Variants in ABCB1 observed in about 807,000 individuals in gnomAD.
ABCB1 encodes the protein ATP-dependent translocase ABCB1.
ABCB1 carries 69 observed loss-of-function variants against 142.0 expected under a neutral mutation model. That is an observed-to-expected ratio of 0.49 (90% CI 0.40 to 0.59). ABCB1 has a LOEUF of 0.59. Ranked by LOEUF, ABCB1 falls within the 20% of genes least tolerant of loss-of-function variation. ABCB1 has a pLI of 0.00. For missense variants in ABCB1, 1,326 were observed against 1,554.7 expected, an observed-to-expected ratio of 0.85 and a Z score of 2.47; for synonymous variants, 532 against 539.2, an observed-to-expected ratio of 0.99 and a Z score of 0.18.
At chr7:87,648,568 G>A (rs1478966843) in intron 1 of ABCB1, among the ~76,000 whole-genome samples, 1 of 151,810 alleles carries the variant, frequency 6.6e-6, no homozygotes, top group Non-Finnish European at 1.5e-5. Flanking sequence ...ATCTTAAGTT[G>A]TATAAATGAG....
chr7:87,676,484 T>A (rs1826368373), intron 1 of ABCB1, among the ~76,000 whole-genome samples: 1 of 151,920 alleles, frequency 6.6e-6, no homozygotes, highest in African/African-American at 2.4e-5. Flanking sequence ...GTGGATTGCT[T>A]GAGGTCAGGA....
At chr7:87,588,086 A>G (rs1207921753) in intron 3 of ABCB1, among the ~76,000 whole-genome samples, 1 of 152,080 alleles carries the variant, frequency 6.6e-6, no homozygotes, top group Non-Finnish European at 1.5e-5. Context: ...GAAGGAGATT[A>G]AAGTGAGTAC....
chr7:87,668,153 T>G (rs2106522), intron 1 of ABCB1, among the ~76,000 whole-genome samples: 12,009 of 151,880 alleles, frequency 0.079, 510 homozygotes, highest in African/African-American at 0.1. Context: ...TATTACTGAT[T>G]TGATTTCAGA....
chr7:87,526,022 C>A (rs1020951524), intron 21 of ABCB1, among the ~76,000 whole-genome samples: 2 of 152,102 alleles, frequency 1.3e-5, no homozygotes, highest in Non-Finnish European at 2.9e-5. Context: ...ACTGCTTCTC[C>A]TATATCTTCT....
chr7:87,564,086 T>A (rs78855117), intron 7 of ABCB1: 1 of 435,840 alleles, frequency 2.3e-6, no homozygotes, highest in Non-Finnish European at 4.5e-6. Context: ...ACTTGGGTAA[T>A]GAAATAATCT....
intron 21 of ABCB1, among the ~76,000 whole-genome samples, chr7:87,528,463 T>C (rs1006361380): frequency 6.6e-6 from 1 of 152,172 alleles, no homozygotes; most frequent in Non-Finnish European, 1.5e-5. Context: ...TTTTTTCAAA[T>C]TGTTGCAAGT....
intron 1 of ABCB1, among the ~76,000 whole-genome samples, chr7:87,684,746 C>CAAAAAAAAAAAAAAAA (rs71524694): frequency 2.4e-4 from 9 of 37,784 alleles, no homozygotes; most frequent in African/African-American, 3.6e-4. Context: ...GACTCCGTCT[C>CAAAAAAAAAAAAAAAA]AAAAAAAAAA....
chr7:87,629,220 A>G (rs1820953506), intron 1 of ABCB1: 2 of 341,946 alleles, frequency 5.8e-6, no homozygotes, highest in South Asian at 1.5e-4. Context: ...TGAATGTGCA[A>G]TCTAGCGTCA....
At position 87,585,655 on chromosome 7, in the gene ABCB1, T is replaced by C; in HGVS notation, c.143A>G (p.Lys48Arg). The C allele has an allele frequency of 6.2e-7, 1 of 1,613,798 alleles. No individual in the cohort carries two copies. The highest frequency in any genetic ancestry group is 8.5e-7 in the Non-Finnish European group (1 of 1,179,872). ...SMFRYSNWLDKLYMVVGTLAA... is the reference protein window; with the variant it reads ...SMFRYSNWLDRLYMVVGTLAA... ...CAAAGTTCCCACCACCATATACAAC[T>C]TGTCAAGCCAATTTGAATAGCGAAA... The change falls in exon 4 of 28, where the codon AAG becomes AGG. Residue 48 changes from lysine to arginine, a missense_variant. Transcript: ENST00000622132.
intron 1 of ABCB1, among the ~76,000 whole-genome samples, chr7:87,679,152 G>A (rs1826672435): frequency 1.4e-5 from 2 of 142,308 alleles, no homozygotes; most frequent in Admixed American, 1.4e-4. Context: ...GAGTGCAGTG[G>A]CGCGATCTTG....
chr7:87,534,671 T>C (rs1222620614), intron 20 of ABCB1, among the ~76,000 whole-genome samples: 1 of 152,012 alleles, frequency 6.6e-6, no homozygotes, highest in African/African-American at 2.4e-5. Context: ...CTCAACACTT[T>C]GGGAGGCTGA....
rs1417467532 is a variant in ABCB1, at chr7:87,626,765, TATATATGTCAG to T, written c.-330-25698_-330-25688del. Among the ~76,000 whole-genome samples, 37 of 130,652 alleles carry T rather than the reference TATATATGTCAG, an allele frequency of 2.8e-4. 2 individuals carry two copies. The highest frequency in any genetic ancestry group is 8.6e-4 in the East Asian group (4 of 4,630). 85.7% of individuals were successfully genotyped at this position (130,652 alleles called of 152,430 possible). A position where few individuals can be genotyped will look rare whatever the true frequency, so the allele number is the denominator to read the frequency against. On this transcript the variant is annotated intron_variant, in intron 1 of 28. Transcript: ENST00000265724. ...TCATATATATGTCATATATATGTCA[TATATATGTCAG>T]AGAGAGAGAGAGAGAGAGAGATGGA... is the stretch of plus-strand genomic sequence containing the variant.
intron 21 of ABCB1, chr7:87,521,833 T>C: frequency 1.3e-6 from 1 of 776,304 alleles, no homozygotes; most frequent in Non-Finnish European, 2.3e-6. Flanking sequence ...AGGAGATTAT[T>C]TTGAATAGTA....
rs201298259 is a variant in ABCB1, at chr7:87,544,878, C to T, written c.2009G>A (p.Arg670Lys). ...TTGGGCTTGTGATCCACGGACACTCCTACGAGTTGATCTTTTTCTTATTAG... is the reference window on the plus strand; with the variant it reads ...TTGGGCTTGTGATCCACGGACACTCTTACGAGTTGATCTTTTTCTTATTAG... ...SSLIRKRSTRRSVRGSQAQDR... is the reference protein window; with the variant it reads ...SSLIRKRSTRKSVRGSQAQDR... The change falls in exon 16 of 28, where the codon AGG becomes AAG. Residue 670 changes from arginine (R) to lysine (K), a missense_variant. Transcript: ENST00000622132. 29 of 1,614,126 alleles carry T rather than the reference C, an allele frequency of 1.8e-5. No homozygotes were observed. The highest frequency in any genetic ancestry group is 2.3e-5 in the Non-Finnish European group (27 of 1,180,008).
chr7:87,626,846 G>C (rs999367123), intron 1 of ABCB1, among the ~76,000 whole-genome samples: 1 of 151,730 alleles, frequency 6.6e-6, no homozygotes, highest in Non-Finnish European at 1.5e-5. Context: ...CGCAGTCTCC[G>C]CTCACTGCAA....
intron 23 of ABCB1, among the ~76,000 whole-genome samples, chr7:87,517,830 A>G (rs1435384490): frequency 6.8e-6 from 1 of 147,846 alleles, no homozygotes; most frequent in Non-Finnish European, 1.5e-5. Flanking sequence ...CCAGCTCTCC[A>G]TGTTCGTGCC....
chr7:87,517,835 C>T (rs1004422000), intron 23 of ABCB1, among the ~76,000 whole-genome samples: 3 of 151,574 alleles, frequency 2.0e-5, no homozygotes, highest in African/African-American at 7.3e-5. Context: ...TCTCCATGTT[C>T]GTGCCTGGAC....
intron 1 of ABCB1, among the ~76,000 whole-genome samples, chr7:87,688,669 TG>T (rs1827715134): frequency 6.6e-6 from 1 of 152,032 alleles, no homozygotes; most frequent in African/African-American, 2.4e-5. Flanking sequence ...TGAGACTTTA[TG>T]ATTTCTGTTT....
At chr7:87,589,849 GGAGA>G (rs142847127) in intron 3 of ABCB1, among the ~76,000 whole-genome samples, 510 of 108,482 alleles carry the variant, frequency 4.7e-3, no homozygotes, top group Admixed American at 7.3e-3. Context: ...AGAGAGGGAG[GGAGA>G]GAGAGAGAGA....
Sources: gnomAD v4.1 joint callset for allele counts (sites outside exome capture counted in the v4.1 genomes callset) on GRCh38, gnomAD v4.1.1 for gene constraint, MANE v1.5 for transcripts, NCBI Gene and HGNC (gene_info 2026-07-23, HGNC 2026-07-21) for gene names.